The following NFKB2 variants were observed in gnomAD, a reference collection of about 807,000 sequenced individuals.
NFKB2 encodes nuclear factor NF-kappa-B p100 subunit.
NFKB2 carries 21 observed loss-of-function variants against 109.3 expected under a neutral mutation model. The observed-to-expected ratio is 0.19, with a 90% CI of 0.14 to 0.28. NFKB2 has a LOEUF of 0.28. Among genes scored for constraint, NFKB2 ranks in the 10% least tolerant of loss-of-function variants. The pLI, the probability that NFKB2 is intolerant of heterozygous loss-of-function variation, is 1.00. For missense variants in NFKB2, 806 were observed against 1,185.3 expected, an observed-to-expected ratio of 0.68 and a Z score of 4.70; for synonymous variants, 478 against 489.9, an observed-to-expected ratio of 0.98 and a Z score of 0.32.
At position 102,398,701 on chromosome 10, in the gene NFKB2, C is replaced by A. The variant is rs1245812964; in HGVS notation, c.992-38C>A. On this transcript the variant is annotated intron_variant, in intron 11 of 22. Coordinates refer to ENST00000661543, the MANE Select transcript of NFKB2 (RefSeq NM_001322934.2). The surrounding 1 kb of genome is among the most constrained non-coding windows in gnomAD (Gnocchi z 6.6). ...TGGGAAGGGCCCCTGAGGCATGACA[C>A]AATAACTGGGCTCAATCTCATTTTC... 1 of 1,612,016 alleles carries A rather than the reference C, an allele frequency of 6.2e-7. No individual in the cohort carries two copies. Among genetic ancestry groups the A allele is most frequent in the African/African-American group, 1.3e-5 (1 of 74,862 alleles).
rs11574850 is a variant in NFKB2 at position 102,401,118 on chromosome 10, G to A, written c.2072-62G>A. The stretch of plus-strand genomic sequence containing the variant: ...GGAGAGAGGTGCCTCCCAGTCCCCC[G>A]ACTTTGCAGTCCTTAATGTAGGCCC... On this transcript the variant is annotated intron_variant, in intron 18 of 22. Transcript: ENST00000661543. The surrounding 1 kb of genome is among the most constrained non-coding windows in gnomAD (Gnocchi z 4.2). 1.1e-5 allele frequency: 18 copies of A among 1,610,154 alleles called. No homozygotes were observed. The East Asian group carries it at 1.8e-4, about 16-fold the overall frequency.
In NFKB2 at chr10:102,400,755, G is replaced by A; in HGVS notation, c.1899G>A (p.Gly633=). 1.9e-6 allele frequency: 3 copies of A among 1,612,722 alleles called. No individual in the cohort carries two copies. Among genetic ancestry groups the A allele is most frequent in the Non-Finnish European group, 2.5e-6 (3 of 1,179,382 alleles). Residue 633 remains glycine, a synonymous_variant, in exon 17 of 23, where the codon GGG becomes GGA. Transcript: ENST00000661543. This position sits in a 1 kb window ranked among gnomAD's most constrained non-coding sequence, Gnocchi z 6.3. Reference sequence around the variant, plus strand: ...AAGTGGAGGCCACAGAGCGGCAGGGGGGACGAACAGCCTTGCATCTAGCCA... The same window carrying A: ...AAGTGGAGGCCACAGAGCGGCAGGGAGGACGAACAGCCTTGCATCTAGCCA... ...GAEVEATERQ[G]GRTALHLATE...
chr10:102,402,231 C>T (rs1214372612), intron 22 of NFKB2, 21 bp from the exon 23 acceptor site: 1 of 1,551,380 alleles, frequency 6.4e-7, no homozygotes, highest in Non-Finnish European at 8.7e-7. Context: ...CTATCCCATT[C>T]CTGTCCCCAT....
chr10:102,397,148 G>T lies in NFKB2; in HGVS notation c.395+93G>T. The T allele has an allele frequency of 6.4e-7, 1 of 1,565,662 alleles. No individual in the cohort carries two copies. The highest frequency in any genetic ancestry group is 8.7e-7 in the Non-Finnish European group (1 of 1,150,982). Reference sequence around the variant, plus strand: ...CCATGAGCTTAGCATCTGACCAAGGGGAAAGATGTAGGTTGGCCCCAAACC... The same window carrying T: ...CCATGAGCTTAGCATCTGACCAAGGTGAAAGATGTAGGTTGGCCCCAAACC... On this transcript the variant is annotated intron_variant, in intron 6 of 22. Transcript: ENST00000661543. This position sits in a 1 kb window ranked among gnomAD's most constrained non-coding sequence, Gnocchi z 4.7.
Position 102,401,960 on chromosome 10 carries a change from C to A in NFKB2, c.2466+43C>A. On this transcript the variant is annotated intron_variant, in intron 21 of 22. Transcript: ENST00000661543. This position sits in a 1 kb window ranked among gnomAD's most constrained non-coding sequence, Gnocchi z 4.2. The stretch of plus-strand genomic sequence containing the variant: ...CTGCCCCCTCCCCAGCCTCCTTTCC[C>A]GATCTGAGTCCAGGTGCCTCCTTGG... 1.3e-6 allele frequency: 2 copies of A among 1,595,732 alleles called. No homozygotes were observed. Among genetic ancestry groups the A allele is most frequent in the East Asian group, 2.3e-5 (1 of 44,284 alleles).
chr10:102,401,107 C>T lies in NFKB2; in HGVS notation c.2071+58C>T. ...GTGGGGGGAAGGGAGAGAGGTGCCT[C>T]CCAGTCCCCCGACTTTGCAGTCCTT... On this transcript the variant is annotated intron_variant, in intron 18 of 22. Transcript: ENST00000661543. The surrounding 1 kb of genome is among the most constrained non-coding windows in gnomAD (Gnocchi z 4.2). 2.5e-6 allele frequency: 4 copies of T among 1,611,616 alleles called. No homozygotes were observed. Among genetic ancestry groups the T allele is most frequent in the East Asian group, 2.2e-5 (1 of 44,802 alleles).
In NFKB2 at chr10:102,397,422, G is replaced by C. The variant is rs1320545303; in HGVS notation, c.502+14G>C. ...AGGGCCTTACGGGTATGGGTGCAGG[G>C]GGTGGGTCGGGTATGGGTGCAGGGG... On this transcript the variant is annotated intron_variant, in intron 7 of 22. Coordinates refer to ENST00000661543, the MANE Select transcript of NFKB2 (RefSeq NM_001322934.2). The surrounding 1 kb of genome is among the most constrained non-coding windows in gnomAD (Gnocchi z 4.7). 5 of 1,607,068 alleles carry C rather than the reference G, an allele frequency of 3.1e-6. No individual in the cohort carries two copies. Among genetic ancestry groups the C allele is most frequent in the Non-Finnish European group, 1.7e-6 (2 of 1,176,860 alleles).
In NFKB2 at chr10:102,402,164, A is replaced by T. The variant is rs1453854538; in HGVS notation, c.2578+5A>T. ...GAGACAAGCTGCCCAGCACAGGTAA[A>T]GGGGCCTCCCTGGAAGGTGGATCTG... On this transcript the variant is annotated splice_donor_5th_base_variant and intron_variant, in intron 22 of 22. Transcript: ENST00000661543. 1.3e-6 allele frequency: 2 copies of T among 1,566,128 alleles called. No homozygotes were observed. The highest frequency in any genetic ancestry group is 4.7e-5 in the East Asian group (2 of 42,120).
Position 102,402,357 on chromosome 10 carries a change from C to A in NFKB2, c.2684C>A (p.Pro895His). The A allele has an allele frequency of 6.4e-7, 1 of 1,555,854 alleles. No individual in the cohort carries two copies. The highest frequency in any genetic ancestry group is 8.7e-7 in the Non-Finnish European group (1 of 1,152,154). The change falls in exon 23 of 23, where the codon CCC becomes CAC. Residue 895 changes from proline (P) to histidine (H), a missense_variant. This residue lies in a region of NFKB2 where 211 missense variants were observed against 268.7 expected (regional missense o/e 0.79). Coordinates refer to ENST00000661543, the MANE Select transcript of NFKB2 (RefSeq NM_001322934.2). The part of the protein sequence containing the change: ...EPPGGLCHGH[P>H]QPQVH ...CCAGGAGGGCTCTGCCACGGGCACC[C>A]CCAGCCTCAGGTGCACTGACCTGCT... is the stretch of plus-strand genomic sequence containing the variant.
At chr10:102,402,006 T>C (rs201856166) in intron 21 of NFKB2, 42 bp from the exon 22 acceptor site, 474 of 1,576,616 alleles carry the variant, frequency 3.0e-4, no homozygotes, top group Middle Eastern at 2.0e-3. Flanking sequence ...CCCGAGCACA[T>C]GCCCTAACCA....
At position 102,399,373 on chromosome 10, in the gene NFKB2, CG is replaced by C; in HGVS notation, c.1208del (p.Gly403AlafsTer79). The C allele has an allele frequency of 1.3e-6, 2 of 1,546,670 alleles. No homozygotes were observed. The highest frequency in any genetic ancestry group is 2.4e-5 in the East Asian group (1 of 41,872). On this transcript the variant is annotated frameshift_variant, in exon 13 of 23. Coordinates refer to ENST00000661543, the MANE Select transcript of NFKB2 (RefSeq NM_001322934.2). LOFTEE classifies it high-confidence loss of function. ...GCCCCATGGGCTGCTACCCGGGAGG[CG>C]GGGGCGGGGCGCAGATGGCCGCCAC... ...AGPMGCYPGG[G>X]GGAQMAATVP...
Position 102,398,719 on chromosome 10 carries a change from TCA to T in NFKB2, c.992-19_992-18del. ...CATGACACAATAACTGGGCTCAATC[TCA>T]TTTTCCTCTGCCCCCAGACAAGGAA... is the stretch of plus-strand genomic sequence containing the variant. On this transcript the variant is annotated intron_variant, in intron 11 of 22. Coordinates refer to ENST00000661543, the MANE Select transcript of NFKB2 (RefSeq NM_001322934.2). This position sits in a 1 kb window ranked among gnomAD's most constrained non-coding sequence, Gnocchi z 6.6. The T allele has an allele frequency of 6.2e-7, 1 of 1,612,146 alleles. No homozygotes were observed. The highest frequency in any genetic ancestry group is 8.5e-7 in the Non-Finnish European group (1 of 1,179,990).
rs376191086 is a variant in NFKB2, at chr10:102,400,896, T to C, written c.1969-51T>C. On this transcript the variant is annotated intron_variant, in intron 17 of 22. Transcript: ENST00000661543. This position sits in a 1 kb window ranked among gnomAD's most constrained non-coding sequence, Gnocchi z 6.3. ...GGCCAAAGATGGTGAAGGGGGGGGC[T>C]GGCCAAGGGGACCATGCTGTGGTGT... 2.4e-4 allele frequency: 385 copies of C among 1,581,682 alleles called. No homozygotes were observed. The highest frequency in any genetic ancestry group is 3.0e-4 in the Non-Finnish European group (345 of 1,161,154).
In NFKB2 at chr10:102,397,098, GCCAGTC is replaced by G. The variant is rs561698729; in HGVS notation, c.395+48_395+53del. Reference sequence around the variant, plus strand: ...CTGGCCCCCACTGGTATGCCCGTCTGCCAGTCCCAGGCCCCAGCCCACCTCCATGAG... The same window carrying G: ...CTGGCCCCCACTGGTATGCCCGTCTGCCAGGCCCCAGCCCACCTCCATGAG... On this transcript the variant is annotated intron_variant, in intron 6 of 22. Transcript: ENST00000661543. The surrounding 1 kb of genome is among the most constrained non-coding windows in gnomAD (Gnocchi z 4.7). The G allele has an allele frequency of 3.3e-4, 528 of 1,593,774 alleles. 1 individual carries two copies. The African/African-American group carries it at 3.9e-3, about 12-fold the overall frequency.
In NFKB2 at chr10:102,402,363, C is replaced by T. The variant is rs2061282046; in HGVS notation, c.2690C>T (p.Pro897Leu). The change falls in exon 23 of 23, where the codon CCT becomes CTT. Residue 897 changes from proline (P) to leucine (L), a missense_variant. Physicochemically the swap from Pro to Leu is moderately conservative, Grantham distance 98. Coordinates refer to ENST00000661543, the MANE Select transcript of NFKB2 (RefSeq NM_001322934.2). Reference sequence around the variant, plus strand: ...GGGCTCTGCCACGGGCACCCCCAGCCTCAGGTGCACTGACCTGCTGCCTGC... The same window carrying T: ...GGGCTCTGCCACGGGCACCCCCAGCTTCAGGTGCACTGACCTGCTGCCTGC... ...PGGLCHGHPQPQVH is the reference protein window; with the variant it reads ...PGGLCHGHPQLQVH 1 of 1,546,812 alleles carries T rather than the reference C, an allele frequency of 6.5e-7. No individual in the cohort carries two copies. The highest frequency in any genetic ancestry group is 2.0e-5 in the Admixed American group (1 of 50,818).
At position 102,395,729 on chromosome 10, in the gene NFKB2, A is replaced by T. The variant is rs938696504; in HGVS notation, c.-140A>T. On this transcript the variant is annotated 5_prime_UTR_variant, in exon 1 of 23. Coordinates refer to ENST00000661543, the MANE Select transcript of NFKB2 (RefSeq NM_001322934.2). ...TAACTTTCCTGCCCCTTCCCCGGCCAAGCCCAACTCCGGATCTCGCTCTCC... is the reference window on the plus strand; with the variant it reads ...TAACTTTCCTGCCCCTTCCCCGGCCTAGCCCAACTCCGGATCTCGCTCTCC... 6.9e-6 allele frequency: 4 copies of T among 583,476 alleles called. No homozygotes were observed. Among genetic ancestry groups the T allele is most frequent in the Non-Finnish European group, 1.2e-5 (4 of 326,170 alleles). 36.1% of individuals were successfully genotyped at this position (583,476 alleles called of 1,614,324 possible).
chr10:102,394,511 G>A (rs1029640339), upstream of NFKB2: 5 of 152,778 alleles, frequency 3.3e-5, no homozygotes, highest in Admixed American at 3.3e-4. Flanking sequence ...GGGCTTTCCC[G>A]GCCCTGAGCC....
chr10:102,395,707 C>T lies in NFKB2; in HGVS notation c.-162C>T, dbSNP rs1177953707. 66 of 586,854 alleles carry T rather than the reference C, an allele frequency of 1.1e-4. No homozygotes were observed. The East Asian group carries it at 1.8e-3, about 16-fold the overall frequency. 36.4% of individuals were successfully genotyped at this position (586,854 alleles called of 1,614,324 possible). The stretch of plus-strand genomic sequence containing the variant: ...TCGGGACTTTCCTAAGCTGCTCTAA[C>T]TTTCCTGCCCCTTCCCCGGCCAAGC... On this transcript the variant is annotated 5_prime_UTR_variant, in exon 1 of 23. Coordinates refer to ENST00000661543, the MANE Select transcript of NFKB2 (RefSeq NM_001322934.2).
At position 102,395,924 on chromosome 10, in the gene NFKB2, G is replaced by A. The variant is rs1282437258; in HGVS notation, c.-36G>A. 2.5e-6 allele frequency: 4 copies of A among 1,604,308 alleles called. No homozygotes were observed. Among genetic ancestry groups the A allele is most frequent in the Non-Finnish European group, 3.4e-6 (4 of 1,175,502 alleles). ...AAATTCTGGGAAGCAGAACCTGGCC[G>A]GAGCCACTAGACAGAGCCGGGCCTA... On this transcript the variant is annotated 5_prime_UTR_variant, in exon 2 of 23. Transcript: ENST00000661543.
Sources: gnomAD v4.1 joint callset for allele counts on GRCh38, gnomAD v4.1.1 for gene constraint, gnomAD v4.1.1 regional missense constraint, Gnocchi (gnomAD v3.1) non-coding constraint, MANE v1.5 for transcripts, NCBI Gene and HGNC (gene_info 2026-07-23, HGNC 2026-07-21) for gene names.